Variants in NXN observed in about 807,000 individuals in gnomAD.
NXN encodes the protein nucleoredoxin 1.
A neutral mutation model predicts 48.6 loss-of-function variants in NXN; 16 were observed. That is an observed-to-expected ratio of 0.33 (90% confidence interval 0.22 to 0.50). The LOEUF is 0.50. Ranked by LOEUF, NXN falls within the 20% of genes least tolerant of loss-of-function variation. NXN has a pLI of 0.98. For synonymous variants in NXN, 281 were observed against 269.6 expected (o/e 1.04, Z -0.41); for missense variants, 492 against 605.5 (o/e 0.81, Z 1.97).
intron 1 of NXN, among the ~76,000 whole-genome samples, chr17:922,607 G>A (rs2068759567): frequency 6.6e-6 from 1 of 152,150 alleles, no homozygotes; most frequent in African/African-American, 2.4e-5. Flanking sequence ...GAGAGCCAGA[G>A]AGACGTCAGA....
chr17:892,794 T>C (rs999049651), intron 1 of NXN, among the ~76,000 whole-genome samples: 1 of 152,192 alleles, frequency 6.6e-6, no homozygotes, highest in African/African-American at 2.4e-5. Flanking sequence ...GATCCCAACC[T>C]GGTGGATGCA....
intron 1 of NXN, among the ~76,000 whole-genome samples, chr17:954,448 A>G (rs1411971787): frequency 6.6e-6 from 1 of 152,232 alleles, no homozygotes; most frequent in African/African-American, 2.4e-5. Flanking sequence ...GTCAAGTGGC[A>G]GGTCTGACCC....
At position 821,069 on chromosome 17, in the gene NXN, G is replaced by A. The variant is rs552406272; in HGVS notation, c.713+1288C>T. 2.7e-5 allele frequency among the ~76,000 whole-genome samples: 2 copies of A among 73,536 alleles called. 1 individual carries two copies. The highest frequency in any genetic ancestry group is 5.0e-5 in the Non-Finnish European group (2 of 39,926). The allele number at this position is 73,536 out of a possible 152,430, so 48.2% of individuals were successfully genotyped here. A position where few individuals can be genotyped will look rare whatever the true frequency, so the allele number is the denominator to read the frequency against. ...GGCACGGCAGAGACGGGGAGCTGTG[G>A]CATGGCAGAGACGGGAGCTGTGGCA... On this transcript the variant is annotated intron_variant, in intron 4 of 7. Transcript: ENST00000336868.
intron 1 of NXN, among the ~76,000 whole-genome samples, chr17:935,459 C>T (rs1449811509): frequency 2.0e-5 from 3 of 152,182 alleles, no homozygotes; most frequent in South Asian, 2.1e-4. Context: ...CGGTCATGGC[C>T]GGCGGGACAA....
At chr17:806,715 G>A (rs908958486) in intron 5 of NXN, among the ~76,000 whole-genome samples, 19 of 152,266 alleles carry the variant, frequency 1.2e-4, no homozygotes, top group African/African-American at 4.3e-4. Context: ...CTTCCCTGTC[G>A]GGGGGATGCC....
intron 1 of NXN, among the ~76,000 whole-genome samples, chr17:957,118 C>T (rs1210257744): frequency 6.8e-6 from 1 of 148,106 alleles, no homozygotes; most frequent in African/African-American, 2.5e-5. Context: ...CCAGCAGGGG[C>T]CTGGCGGAGC....
intron 1 of NXN, among the ~76,000 whole-genome samples, chr17:868,616 C>T (rs1458214675): frequency 6.6e-6 from 1 of 152,160 alleles, no homozygotes; most frequent in Non-Finnish European, 1.5e-5. Context: ...CTCAGCCTCC[C>T]GAGTAGCTGG....
At chr17:890,405 A>G (rs2068403239) in intron 1 of NXN, among the ~76,000 whole-genome samples, 1 of 151,932 alleles carries the variant, frequency 6.6e-6, no homozygotes, top group Non-Finnish European at 1.5e-5. Flanking sequence ...ACGGACTCTC[A>G]CTCTGTCGCC....
Position 864,329 on chromosome 17 carries a change from G to T in NXN, c.361-38251C>A, listed in dbSNP as rs138870910. ...TCCTTCTCAGGGAATCAAAACCACG[G>T]TTCTTCAGAGTGTTGATTCTTAAAT... On this transcript the variant is annotated intron_variant, in intron 1 of 7. Coordinates refer to ENST00000336868, the MANE Select transcript of NXN (RefSeq NM_022463.5). Among the ~76,000 whole-genome samples the T allele has an allele frequency of 3.1e-3, 472 of 152,290 alleles. 1 individual carries two copies. The highest frequency in any genetic ancestry group is 0.011 in the African/African-American group (457 of 41,550).
intron 1 of NXN, among the ~76,000 whole-genome samples, chr17:873,181 C>A (rs2068177495): frequency 6.6e-6 from 1 of 152,076 alleles, no homozygotes; most frequent in South Asian, 2.1e-4. Context: ...GCTTCTATAA[C>A]CATGTGTGCC....
chr17:963,850 G>A lies in NXN; in HGVS notation c.360+15469C>T, dbSNP rs543528417. Among the ~76,000 whole-genome samples, 288 of 152,288 alleles carry A rather than the reference G, an allele frequency of 1.9e-3. 2 individuals carry two copies. Among genetic ancestry groups the A allele is most frequent in the Non-Finnish European group, 3.0e-3 (201 of 68,018 alleles). On this transcript the variant is annotated intron_variant, in intron 1 of 7. Transcript: ENST00000336868. ...CCCAGCACTTTGGGAGGCCGAGGAG[G>A]GCAGATCACGAGGTCAGGAGATCGA...
intron 1 of NXN, among the ~76,000 whole-genome samples, chr17:838,383 C>T (rs1444298832): frequency 6.6e-6 from 1 of 152,088 alleles, no homozygotes; most frequent in Non-Finnish European, 1.5e-5. Context: ...CCGCCCACCT[C>T]GGCCTCCCCA....
At chr17:937,122 A>T (rs2068916317) in intron 1 of NXN, among the ~76,000 whole-genome samples, 1 of 152,040 alleles carries the variant, frequency 6.6e-6, no homozygotes, top group African/African-American at 2.4e-5. Flanking sequence ...GGCTGGGATT[A>T]CAGGCACCCA....
chr17:814,469 C>T (rs1912357282), intron 5 of NXN, among the ~76,000 whole-genome samples: 1 of 152,036 alleles, frequency 6.6e-6, no homozygotes, highest in African/African-American at 2.4e-5. Context: ...GAAAGGCCTC[C>T]TGACCCAATG....
chr17:875,965 T>C (rs1484543033), intron 1 of NXN, among the ~76,000 whole-genome samples: 1 of 151,990 alleles, frequency 6.6e-6, no homozygotes, highest in Non-Finnish European at 1.5e-5. Flanking sequence ...GGGCGGGTCA[T>C]GAGGTCAGGA....
At chr17:868,469 G>GT (rs113445191) in intron 1 of NXN, among the ~76,000 whole-genome samples, 7,464 of 146,836 alleles carry the variant, frequency 0.051, 553 homozygotes, top group African/African-American at 0.17. Context: ...GTCTTTTTTT[G>GT]TTTTTTTTTT....
chr17:946,355 G>A (rs992818143), intron 1 of NXN, among the ~76,000 whole-genome samples: 4 of 152,172 alleles, frequency 2.6e-5, no homozygotes, highest in Admixed American at 2.6e-4. Context: ...TTTTAGTAGA[G>A]ATGGGGTTTC....
intron 1 of NXN, among the ~76,000 whole-genome samples, chr17:963,517 G>A (rs970645572): frequency 6.6e-6 from 1 of 152,090 alleles, no homozygotes; most frequent in Non-Finnish European, 1.5e-5. Flanking sequence ...TGGGAGGATC[G>A]CTTGAAACCA....
At chr17:955,615 G>A (rs1004980013) in intron 1 of NXN, among the ~76,000 whole-genome samples, 5 of 145,628 alleles carry the variant, frequency 3.4e-5, no homozygotes, top group African/African-American at 1.3e-4. Context: ...CACCTCGGGA[G>A]GCCGGACGCG....
Sources: allele counts gnomAD v4.1 joint callset (sites outside exome capture counted in the v4.1 genomes callset), GRCh38; gene constraint gnomAD v4.1.1; transcripts MANE v1.5; gene names NCBI Gene and HGNC (gene_info 2026-07-23, HGNC 2026-07-21).